CR1: variants seen among roughly 807,000 people sequenced by gnomAD.
The protein encoded by CR1 is complement C3b/C4b receptor 1 (Knops blood group).
A neutral mutation model predicts 187.3 loss-of-function variants in CR1; 116 were observed. That is an observed-to-expected ratio of 0.62 (90% CI 0.53 to 0.72). The LOEUF (loss-of-function observed/expected upper bound fraction) is 0.72, where lower values mean the gene tolerates loss of function less well. Ranked by LOEUF, CR1 falls within the 30% of genes least tolerant of loss-of-function variation. The pLI is 0.00. For synonymous variants in CR1, 576 were observed against 747.1 expected, an observed-to-expected ratio of 0.77 and a Z score of 3.73; for missense variants, 1,731 against 2,110.7, an observed-to-expected ratio of 0.82 and a Z score of 3.52.
chr1:207,575,565 G>A, intron 27 of CR1, 30 bp from the exon 28 acceptor site: 2 of 1,611,778 alleles, frequency 1.2e-6, no homozygotes, highest in Non-Finnish European at 1.7e-6. Flanking sequence ...GGTATGTACA[G>A]GACAATGATT....
At chr1:207,593,084 C>CAAAAAAAAAAAAA (rs57700679) in intron 35 of CR1, among the ~76,000 whole-genome samples, 7 of 83,102 alleles carry the variant, frequency 8.4e-5, no homozygotes, top group African/African-American at 2.0e-4. Flanking sequence ...CACAGAATTA[C>CAAAAAAAAAAAAA]AAAAAAAAAA....
Position 207,511,666 on chromosome 1 carries a change from T to C in CR1, c.487+12T>C. 1 of 1,605,706 alleles carries C rather than the reference T, an allele frequency of 6.2e-7. No homozygotes were observed. Among genetic ancestry groups the C allele is most frequent in the Non-Finnish European group, 8.5e-7 (1 of 1,173,024 alleles). ...ACCTATTTGTGACAGTGAGTTGAAATATCCCTTCCTATTTCTTTTACCGAC... is the reference window on the plus strand; with the variant it reads ...ACCTATTTGTGACAGTGAGTTGAAACATCCCTTCCTATTTCTTTTACCGAC... On this transcript the variant is annotated intron_variant, in intron 4 of 46. Transcript: ENST00000367049.
intron 32 of CR1, 106 bp from the exon 33 acceptor site, chr1:207,584,543 A>T: frequency 7.3e-7 from 1 of 1,369,970 alleles, no homozygotes; most frequent in Non-Finnish European, 9.9e-7. Context: ...TTAAGAAGAA[A>T]AGTACGCTTA....
rs1662497642 is a variant in CR1, at chr1:207,626,978, C to CA, written c.7353-3538dup. 2.6e-5 allele frequency among the ~76,000 whole-genome samples: 4 copies of CA among 152,096 alleles called. No homozygotes were observed. In the South Asian group the frequency reaches 8.3e-4, roughly 32 times the overall value. On this transcript the variant is annotated intron_variant, in intron 45 of 46. Transcript: ENST00000367049. ...GCTTGAACCCAGGAGGTGGAGGTTG[C>CA]AGTGAGTTGAGATTGTGCCACTGCA... is the stretch of plus-strand genomic sequence containing the variant.
At chr1:207,608,694 TA>T (rs1300885736) in intron 36 of CR1, among the ~76,000 whole-genome samples, 10 of 152,188 alleles carry the variant, frequency 6.6e-5, no homozygotes, top group African/African-American at 2.4e-4. Context: ...TTATCTTTTA[TA>T]AAAAAATTTC....
At position 207,506,052 on chromosome 1, in the gene CR1, A is replaced by C. The variant is rs372162912; in HGVS notation, c.270A>C (p.Ser90=). 1.2e-5 allele frequency: 19 copies of C among 1,613,870 alleles called. No individual in the cohort carries two copies. The highest frequency in any genetic ancestry group is 1.5e-5 in the Non-Finnish European group (18 of 1,179,874). The change falls in exon 2 of 47, where the codon TCA becomes TCC. Residue 90 remains serine, a synonymous_variant. Coordinates refer to ENST00000367049, the MANE Select transcript of CR1 (RefSeq NM_000651.6). ...RPFSIICLKN[S]VWTGAKDRCR... ...TTTCTATCATCTGCCTAAAAAACTC[A>C]GTCTGGACTGGTGCTAAGGACAGGT...
At chr1:207,605,501 C>G (rs1346800462) in intron 35 of CR1, among the ~76,000 whole-genome samples, 1 of 142,804 alleles carries the variant, frequency 7.0e-6, no homozygotes, top group African/African-American at 2.9e-5. Flanking sequence ...AAAATAAAAT[C>G]AGATTTTAAA....
intron 35 of CR1, among the ~76,000 whole-genome samples, chr1:207,601,704 G>C (rs1191635744): frequency 6.6e-6 from 1 of 152,074 alleles, no homozygotes; most frequent in African/African-American, 2.4e-5. Flanking sequence ...TTGGCCATTT[G>C]TATGTCTTTT....
chr1:207,614,361 T>G, intron 39 of CR1, 43 bp from the exon 40 acceptor site: 1 of 1,469,056 alleles, frequency 6.8e-7, no homozygotes. Flanking sequence ...AAGGGAGAGA[T>G]GGGAATTGCT....
intron 1 of CR1, among the ~76,000 whole-genome samples, chr1:207,499,200 GA>G: frequency 6.6e-6 from 1 of 152,248 alleles, no homozygotes; most frequent in South Asian, 2.1e-4. Context: ...CAGAAAGCAG[GA>G]ATAGCTGTGT....
intron 24 of CR1, among the ~76,000 whole-genome samples, chr1:207,566,534 GA>G (rs1270583029): frequency 6.7e-6 from 1 of 149,606 alleles, no homozygotes; most frequent in Non-Finnish European, 1.5e-5. Flanking sequence ...AGAGGGACAA[GA>G]AAAAAAATAA....
chr1:207,603,353 A>G (rs1230599493), intron 35 of CR1, among the ~76,000 whole-genome samples: 1 of 152,070 alleles, frequency 6.6e-6, no homozygotes. Flanking sequence ...TAAGGCACAA[A>G]TATGTTGTAG....
At chr1:207,621,918 G>A in intron 43 of CR1, 55 bp from the exon 44 acceptor site, 1 of 1,473,420 alleles carries the variant, frequency 6.8e-7, no homozygotes, top group Non-Finnish European at 9.3e-7. Flanking sequence ...GAGAGGTCCT[G>A]TTCAATCATG....
At chr1:207,505,725 C>A (rs1252420533) in intron 1 of CR1, among the ~76,000 whole-genome samples, 179 bp from the exon 2 acceptor site, 1 of 151,976 alleles carries the variant, frequency 6.6e-6, no homozygotes, top group Non-Finnish European at 1.5e-5. Flanking sequence ...ATCCCAGCTA[C>A]TCAGGAAGCT....
At position 207,580,585 on chromosome 1, in the gene CR1, G is replaced by T. The variant is rs780954124; in HGVS notation, c.5188G>T (p.Ala1730Ser). 1.0e-4 allele frequency: 163 copies of T among 1,613,382 alleles called. No homozygotes were observed. The highest frequency in any genetic ancestry group is 1.3e-4 in the Non-Finnish European group (158 of 1,179,796). ...VLFPLNLQLG[A>S]KVSFVCDEGF... ...ATTTCCACTTAATCTCCAGCTTGGG[G>T]CAAAGGTGTCCTTTGTCTGTGATGA... is the stretch of plus-strand genomic sequence containing the variant. Residue 1730 changes from alanine to serine, a missense_variant, in exon 31 of 47, where the codon GCA (alanine) becomes TCA (serine). Ala to Ser is a moderately conservative substitution (Grantham distance 99). This residue lies in a region of CR1 where 1,312 missense variants were observed against 1,379.6 expected (regional missense o/e 0.95). Coordinates refer to ENST00000367049, the MANE Select transcript of CR1 (RefSeq NM_000651.6).
At chr1:207,627,395 T>C (rs1300923502) in intron 45 of CR1, among the ~76,000 whole-genome samples, 2 of 152,212 alleles carry the variant, frequency 1.3e-5, no homozygotes, top group Non-Finnish European at 2.9e-5. Flanking sequence ...TCTCAATAAA[T>C]ATTTATCAAA....
chr1:207,597,289 C>A (rs1661476218), intron 35 of CR1, among the ~76,000 whole-genome samples: 2 of 151,952 alleles, frequency 1.3e-5, no homozygotes, highest in Admixed American at 1.3e-4. Context: ...TGATTCCAAT[C>A]CCCCCTTTTG....
chr1:207,511,994 C>T (rs1410183808), intron 4 of CR1, among the ~76,000 whole-genome samples: 3 of 152,176 alleles, frequency 2.0e-5, no homozygotes, highest in African/African-American at 4.8e-5. Context: ...AATTGATACT[C>T]TTCAAGGTTA....
rs1017404949 is a variant in CR1, at chr1:207,578,207, A to C, written c.4936+4A>C. ...GAGTTACCAAGCTGCTCCAGGGGTG[A>C]GTCTGACTGATGCCTAGAAGGGCCC... On this transcript the variant is annotated splice_donor_region_variant and intron_variant, in intron 29 of 46. Coordinates refer to ENST00000367049, the MANE Select transcript of CR1 (RefSeq NM_000651.6). 6.2e-7 allele frequency: 1 copy of C among 1,611,726 alleles called. No individual in the cohort carries two copies. Among genetic ancestry groups the C allele is most frequent in the African/African-American group, 1.3e-5 (1 of 74,856 alleles).
Sources: gnomAD v4.1 joint callset for allele counts (sites outside exome capture counted in the v4.1 genomes callset) on GRCh38, gnomAD v4.1.1 for gene constraint, gnomAD v4.1.1 regional missense constraint, MANE v1.5 for transcripts, NCBI Gene and HGNC (gene_info 2026-07-23, HGNC 2026-07-21) for gene names.